The following NPIPB11 variants were observed in gnomAD, a reference collection of about 807,000 sequenced individuals.
NPIPB11 encodes the protein nuclear pore complex interacting protein family member B11.
In NPIPB11, 17 loss-of-function variants were observed where a neutral mutation model predicts 32.8. The observed-to-expected ratio is 0.52, with a 90% confidence interval of 0.35 to 0.78. The LOEUF is 0.78. Ranked by LOEUF, NPIPB11 falls within the 30% of genes least tolerant of loss-of-function variation. The pLI is 0.01. For missense variants in NPIPB11, 537 were observed against 1,000.4 expected, an observed-to-expected ratio of 0.54 and a Z score of 6.25; for synonymous variants, 209 against 398.4, an observed-to-expected ratio of 0.52 and a Z score of 5.66.
rs1963574643 is a variant in NPIPB11, at chr16:29,384,235, AG to A, written c.696del (p.Tyr233ThrfsTer7). On this transcript the variant is annotated frameshift_variant, in exon 8 of 8. Transcript: ENST00000524087. LOFTEE classifies it low-confidence loss of function (END_TRUNC). ...TTTTTTAAAGTTTCAGCTGTGAGGTAGGGCCAGTAGGGCAATCCTGAAGAAT... is the reference window on the plus strand; with the variant it reads ...TTTTTTAAAGTTTCAGCTGTGAGGTAGGCCAGTAGGGCAATCCTGAAGAAT... The A allele has an allele frequency of 8.7e-7, 1 of 1,149,474 alleles. No individual in the cohort carries two copies. The allele number at this position is 1,149,474 out of a possible 1,614,324, so 71.2% of individuals were successfully genotyped here. A position where few individuals can be genotyped will look rare whatever the true frequency, so the allele number is the denominator to read the frequency against.
chr16:29,383,937 G>T lies in NPIPB11; in HGVS notation c.995C>A (p.Ala332Asp). 4.3e-6 allele frequency: 6 copies of T among 1,388,572 alleles called. No individual in the cohort carries two copies. In the South Asian group the frequency reaches 7.1e-5, roughly 16 times the overall value. 86.0% of individuals were successfully genotyped at this position (1,388,572 alleles called of 1,614,324 possible). A position where few individuals can be genotyped will look rare whatever the true frequency, so the allele number is the denominator to read the frequency against. ...TGGAAGGGGATGGAGCAGACACTCGGCACGTGTCTTGAGATTATCATCCGC... is the reference window on the plus strand; with the variant it reads ...TGGAAGGGGATGGAGCAGACACTCGTCACGTGTCTTGAGATTATCATCCGC... Residue 332 changes from alanine to aspartate, a missense_variant, in exon 8 of 8, where the codon GCC becomes GAC. Physicochemically the swap from Ala to Asp is moderately radical, Grantham distance 126. Coordinates refer to ENST00000524087, the Ensembl canonical transcript of NPIPB11.
intron 5 of NPIPB11, among the ~76,000 whole-genome samples, chr16:29,389,437 G>T (rs1345669201): frequency 6.9e-6 from 1 of 145,116 alleles, no homozygotes; most frequent in Admixed American, 6.9e-5. Flanking sequence ...ACTTTGGGAG[G>T]CTGAGGCAGG....
exon 8 of NPIPB11, chr16:29,382,230 G>C (rs1450770254): frequency 6.3e-7 from 1 of 1,587,646 alleles, no homozygotes. Context: ...CTGACGTTTG[G>C]AAGGTGTCTT....
chr16:29,394,430 T>G (rs1243830581), intron 2 of NPIPB11, among the ~76,000 whole-genome samples: 6 of 28,422 alleles, frequency 2.1e-4, no homozygotes, highest in Non-Finnish European at 3.5e-4. Flanking sequence ...AAAAAACCTC[T>G]TTTTTTTTTT....
rs1392495786 is a variant in NPIPB11, at chr16:29,390,361, A to G, written c.250-13T>C. ...TCAGGAGAGACACCTAGGAAATAAT[A>G]ATATAAGAATGACGGCTGGGCACGG... On this transcript the variant is annotated splice_polypyrimidine_tract_variant and intron_variant, in intron 3 of 7. Transcript: ENST00000524087. 4 of 1,333,392 alleles carry G rather than the reference A, an allele frequency of 3.0e-6. No individual in the cohort carries two copies. Among genetic ancestry groups the G allele is most frequent in the Non-Finnish European group, 4.2e-6 (4 of 943,750 alleles). 82.6% of individuals were successfully genotyped at this position (1,333,392 alleles called of 1,614,324 possible). A position where few individuals can be genotyped will look rare whatever the true frequency, so the allele number is the denominator to read the frequency against.
At chr16:29,389,427 A>T (rs1034701124) in intron 5 of NPIPB11, among the ~76,000 whole-genome samples, 8 of 142,646 alleles carry the variant, frequency 5.6e-5, no homozygotes, top group Non-Finnish European at 1.1e-4. Context: ...TAATCCCAGC[A>T]CTTTGGGAGG....
At chr16:29,396,884 G>T (rs1476893957) in intron 2 of NPIPB11, among the ~76,000 whole-genome samples, 3 of 151,628 alleles carry the variant, frequency 2.0e-5, no homozygotes, top group Admixed American at 2.0e-4. Flanking sequence ...AGGCGCGGTG[G>T]CTCACGCCTG....
intron 2 of NPIPB11, among the ~76,000 whole-genome samples, chr16:29,400,765 C>T (rs1470519430): frequency 2.0e-5 from 3 of 152,112 alleles, no homozygotes; most frequent in African/African-American, 7.2e-5. Context: ...GGCATTGGGC[C>T]TAGGCTGGGA....
intron 2 of NPIPB11, among the ~76,000 whole-genome samples, chr16:29,400,856 C>T (rs1963971864): frequency 6.6e-6 from 1 of 152,086 alleles, no homozygotes. Flanking sequence ...GGTGTAGGAT[C>T]ATCTGGTGAG....
chr16:29,397,731 G>A (rs565831889), intron 2 of NPIPB11: 5 of 340,122 alleles, frequency 1.5e-5, no homozygotes, highest in African/African-American at 6.6e-5. Flanking sequence ...CGGGGACCGG[G>A]CCCGGATCTG....
intron 2 of NPIPB11, chr16:29,397,519 C>A: frequency 6.7e-7 from 1 of 1,495,174 alleles, no homozygotes; most frequent in Non-Finnish European, 9.0e-7. Flanking sequence ...TGCCGCGTGA[C>A]ACAGCCCAGT....
At chr16:29,393,807 T>G in intron 3 of NPIPB11, 141 bp downstream of exon 3, 3 of 1,232,982 alleles carry the variant, frequency 2.4e-6, no homozygotes, top group Non-Finnish European at 3.3e-6. Context: ...TTTTCATAAT[T>G]CTTATGCTAA....
intron 3 of NPIPB11, among the ~76,000 whole-genome samples, chr16:29,391,283 TG>T: frequency 7.2e-6 from 1 of 139,524 alleles, no homozygotes; most frequent in Middle Eastern, 3.8e-3. Flanking sequence ...AAAAAAAAAA[TG>T]ACATGAATAT....
chr16:29,402,718 C>G (rs1180028437), intron 2 of NPIPB11, among the ~76,000 whole-genome samples: 9 of 124,982 alleles, frequency 7.2e-5, no homozygotes, highest in Admixed American at 2.4e-4. Flanking sequence ...CTCTCTCTCT[C>G]TCTCTCTGTG....
rs1480484158 is a variant in NPIPB11, at chr16:29,402,932, G to A, written c.120+751C>T. 2.1e-5 allele frequency among the ~76,000 whole-genome samples: 3 copies of A among 145,214 alleles called. No homozygotes were observed. In the South Asian group the frequency reaches 6.5e-4, roughly 31 times the overall value. ...GGAGAATAAAAAATATGTATTACAT[G>A]TTGTAAAATAAATGTGATGTGGTTA... On this transcript the variant is annotated intron_variant, in intron 2 of 7. Transcript: ENST00000524087.
chr16:29,383,085 G>T (rs757796571), exon 8 of NPIPB11: 4 of 1,599,086 alleles, frequency 2.5e-6, no homozygotes, highest in Non-Finnish European at 3.4e-6. Flanking sequence ...CATCTGCTGA[G>T]GGTGGAGCTG....
At chr16:29,396,877 C>A (rs992832084) in intron 2 of NPIPB11, among the ~76,000 whole-genome samples, 10 of 151,020 alleles carry the variant, frequency 6.6e-5, no homozygotes, top group Non-Finnish European at 1.2e-4. Context: ...TTTGGCCAGG[C>A]GCGGTGGCTC....
intron 5 of NPIPB11, among the ~76,000 whole-genome samples, chr16:29,389,688 A>G (rs1963663349): frequency 2.2e-5 from 3 of 134,810 alleles, no homozygotes; most frequent in African/African-American, 5.6e-5. Flanking sequence ...AAAAAAAAAA[A>G]AAAAAAAAAA....
chr16:29,397,660 G>T (rs1963892149), intron 2 of NPIPB11: 13 of 1,348,572 alleles, frequency 9.6e-6, no homozygotes, highest in Non-Finnish European at 1.2e-5. Context: ...TCCTTTCAGG[G>T]CGCCCTGAGG....
Sources: gnomAD v4.1 joint callset for allele counts (sites outside exome capture counted in the v4.1 genomes callset) on GRCh38, gnomAD v4.1.1 for gene constraint, MANE v1.5 for transcripts, NCBI Gene and HGNC (gene_info 2026-07-23, HGNC 2026-07-21) for gene names.